The following RYR3 variants were observed in gnomAD, a reference collection of about 807,000 sequenced individuals.
RYR3 encodes brain ryanodine receptor-calcium release channel.
Under a neutral mutation model 584.3 loss-of-function variants are expected in RYR3, and 207 were observed. That is an observed-to-expected ratio of 0.35 (90% confidence interval 0.32 to 0.40). The LOEUF is 0.40. Ranked by LOEUF, RYR3 falls within the 10% of genes least tolerant of loss-of-function variation. The pLI, the probability that RYR3 is intolerant of heterozygous loss-of-function variation, is 1.00. For missense variants in RYR3, 5,616 were observed against 6,089.2 expected (o/e 0.92, Z 2.59); for synonymous variants, 2,416 against 2,248.5 (o/e 1.07, Z -2.11).
intron 38 of RYR3, among the ~76,000 whole-genome samples, chr15:33,681,291 A>C (rs186800974): frequency 6.8e-4 from 104 of 152,332 alleles, no homozygotes; most frequent in African/African-American, 2.3e-3. Context: ...CTGTTGCTAT[A>C]GCAAATTATC....
chr15:33,523,393 C>A (rs933842813), intron 3 of RYR3, among the ~76,000 whole-genome samples: 1 of 152,186 alleles, frequency 6.6e-6, no homozygotes, highest in Non-Finnish European at 1.5e-5. Flanking sequence ...GGGTCTGAAG[C>A]TTCATTCCTG....
intron 18 of RYR3, among the ~76,000 whole-genome samples, chr15:33,603,619 C>T (rs750310471): frequency 2.0e-5 from 3 of 152,168 alleles, no homozygotes; most frequent in Admixed American, 6.5e-5. Context: ...CCTTATTGTA[C>T]GGAATCGTTA....
In RYR3 at chr15:33,631,211, A is replaced by G. The variant is rs532872913; in HGVS notation, c.2785A>G (p.Thr929Ala). ...TCTTCTCCTTCTGTTGTGTCACAGA[A>G]CCCTCTTGGCCCTGGGGTGCCACAT... ...NLQMSTETLK[T>A]LLALGCHIAH... is the part of the protein sequence containing the mutation. The change falls in exon 23 of 104, where the codon ACC becomes GCC. Residue 929 changes from threonine (T) to alanine (A), a missense_variant and splice_region_variant. Physicochemically the swap from Thr to Ala is moderately conservative, Grantham distance 58. Coordinates refer to ENST00000634891, the MANE Select transcript of RYR3 (RefSeq NM_001036.6). 19 of 1,576,080 alleles carry G rather than the reference A, an allele frequency of 1.2e-5. No individual in the cohort carries two copies. Among genetic ancestry groups the G allele is most frequent in the Non-Finnish European group, 1.6e-5 (18 of 1,158,502 alleles).
chr15:33,705,313 C>T (rs561134566), intron 42 of RYR3, among the ~76,000 whole-genome samples: 3 of 152,218 alleles, frequency 2.0e-5, no homozygotes, highest in South Asian at 4.1e-4. Context: ...TAGATTCTTG[C>T]TGAGTTTGGC....
chr15:33,392,039 T>G (rs2042027320), intron 1 of RYR3, among the ~76,000 whole-genome samples: 1 of 152,080 alleles, frequency 6.6e-6, no homozygotes, highest in Non-Finnish European at 1.5e-5. Flanking sequence ...CTGCTTTTAT[T>G]CTGCACTTTG....
intron 7 of RYR3, 34 bp downstream of exon 7, chr15:33,540,924 T>G (rs759356810): frequency 7.4e-7 from 1 of 1,349,080 alleles, no homozygotes. Context: ...GCCCTGAGCC[T>G]GCCTATCTCT....
chr15:33,721,430 C>T (rs1479900936), intron 43 of RYR3, among the ~76,000 whole-genome samples: 1 of 152,246 alleles, frequency 6.6e-6, no homozygotes, highest in Admixed American at 6.5e-5. Flanking sequence ...ATTTATTGTT[C>T]TAGCCTGCCA....
intron 16 of RYR3, among the ~76,000 whole-genome samples, chr15:33,597,385 G>T (rs576660075): frequency 6.6e-6 from 1 of 152,244 alleles, no homozygotes; most frequent in African/African-American, 2.4e-5. Flanking sequence ...GGGAGGCTGA[G>T]GTGGGCAGAT....
intron 86 of RYR3, among the ~76,000 whole-genome samples, chr15:33,834,476 C>CT (rs11337237): frequency 0.18 from 26,706 of 147,470 alleles, 2,598 homozygotes; most frequent in Middle Eastern, 0.31. Context: ...GATTTCTTTT[C>CT]TTTTTTTTTT....
At chr15:33,488,278 G>A (rs1335481007) in intron 2 of RYR3, among the ~76,000 whole-genome samples, 1 of 152,178 alleles carries the variant, frequency 6.6e-6, no homozygotes, top group African/African-American at 2.4e-5. Flanking sequence ...CTTGCTCACA[G>A]CAGGCCAGTG....
At chr15:33,479,486 C>CT (rs376160496) in intron 2 of RYR3, among the ~76,000 whole-genome samples, 3,884 of 135,826 alleles carry the variant, frequency 0.029, 64 homozygotes, top group Non-Finnish European at 0.036. Flanking sequence ...GAGATTTTGA[C>CT]TTTTTTTTTT....
At position 33,425,808 on chromosome 15, in the gene RYR3, A is replaced by AT. The variant is rs528877547; in HGVS notation, c.52-47604dup. Among the ~76,000 whole-genome samples the AT allele has an allele frequency of 1.7e-3, 254 of 149,526 alleles. 3 individuals are homozygous for AT. In the East Asian group the frequency reaches 0.038, roughly 22 times the overall value. On this transcript the variant is annotated intron_variant, in intron 1 of 103. Transcript: ENST00000634891. The stretch of plus-strand genomic sequence containing the variant: ...AGGCGCCCGCCACCACACCCGGCTA[A>AT]TTTTTTTGTATTTTTAGTAGAGACG...
chr15:33,533,046 G>T (rs528039601), intron 4 of RYR3, among the ~76,000 whole-genome samples: 8 of 152,348 alleles, frequency 5.3e-5, no homozygotes, highest in African/African-American at 1.7e-4. Context: ...GAGCCCAGGA[G>T]TCTGAGGCTG....
chr15:33,859,641 C>G lies in RYR3; in HGVS notation c.14209C>G (p.Pro4737Ala), dbSNP rs760373919. The change falls in exon 100 of 104, where the codon CCT becomes GCT. Residue 4737 changes from proline to alanine, a missense_variant. Physicochemically the swap from Pro to Ala is conservative, Grantham distance 27. Transcript: ENST00000634891. ...GGGIGDEIED[P>A]AGDPYEMYRI... ...TGGCATTGGTGATGAAATTGAAGAC[C>G]CTGCTGGTGATCCTTATGAAATGTA... 25 of 1,613,940 alleles carry G rather than the reference C, an allele frequency of 1.5e-5. No homozygotes were observed. The highest frequency in any genetic ancestry group is 2.0e-5 in the Non-Finnish European group (24 of 1,179,852).
At chr15:33,774,017 CTG>C (rs2152891852) in intron 64 of RYR3, among the ~76,000 whole-genome samples, 1 of 152,348 alleles carries the variant, frequency 6.6e-6, no homozygotes, top group South Asian at 2.1e-4. Flanking sequence ...TAATGAGTTT[CTG>C]TGTGCTACAA....
intron 1 of RYR3, among the ~76,000 whole-genome samples, chr15:33,349,286 G>A (rs1972890566): frequency 6.6e-6 from 1 of 151,880 alleles, no homozygotes; most frequent in African/African-American, 2.4e-5. Context: ...AGCCTAATTG[G>A]GTAAATTCCT....
intron 67 of RYR3, among the ~76,000 whole-genome samples, chr15:33,789,374 T>C (rs985870161): frequency 1.3e-5 from 2 of 151,156 alleles, no homozygotes; most frequent in Non-Finnish European, 2.9e-5. Flanking sequence ...AGAAGACCAG[T>C]GGGAGGTTCT....
At position 33,817,163 on chromosome 15, in the gene RYR3, T is replaced by C. The variant is rs115677295; in HGVS notation, c.10599+205T>C. ...TTTTCACTTGGAGTTGCTAATACTGTCATCGTCCTCCTCATTGTCGCTGTT... is the reference window on the plus strand; with the variant it reads ...TTTTCACTTGGAGTTGCTAATACTGCCATCGTCCTCCTCATTGTCGCTGTT... On this transcript the variant is annotated intron_variant, in intron 75 of 103. Transcript: ENST00000634891. Among the ~76,000 whole-genome samples, 252 of 152,336 alleles carry C rather than the reference T, an allele frequency of 1.7e-3. 1 individual carries two copies. The highest frequency in any genetic ancestry group is 5.7e-3 in the African/African-American group (236 of 41,574).
intron 1 of RYR3, among the ~76,000 whole-genome samples, chr15:33,451,281 G>A (rs968414915): frequency 6.6e-6 from 1 of 152,044 alleles, no homozygotes; most frequent in African/African-American, 2.4e-5. Context: ...ATTCAAACGG[G>A]CACCCTGTTC....
Sources: gnomAD v4.1 joint callset for allele counts (sites outside exome capture counted in the v4.1 genomes callset) on GRCh38, gnomAD v4.1.1 for gene constraint, MANE v1.5 for transcripts, NCBI Gene and HGNC (gene_info 2026-07-23, HGNC 2026-07-21) for gene names.